COL21A1: variants seen among roughly 807,000 people sequenced by gnomAD.
COL21A1 encodes the protein collagen alpha-1(XXI) chain.
A neutral mutation model predicts 137.9 loss-of-function variants in COL21A1; 149 were observed. That is an observed-to-expected ratio of 1.08 (90% CI 0.95 to 1.24). The LOEUF (loss-of-function observed/expected upper bound fraction) is 1.24, where lower values mean the gene tolerates loss of function less well. COL21A1 is among the 50% of genes most tolerant of loss of function. The pLI, the probability that COL21A1 is intolerant of heterozygous loss-of-function variation, is 0.00. For synonymous variants in COL21A1, 456 were observed against 391.5 expected (o/e 1.16, Z -1.95); for missense variants, 1,167 against 1,158.4 (o/e 1.01, Z -0.11).
chr6:56,155,978 T>C (rs1195983559), intron 10 of COL21A1, among the ~76,000 whole-genome samples: 2 of 152,198 alleles, frequency 1.3e-5, no homozygotes, highest in African/African-American at 4.8e-5. Flanking sequence ...CTAAAGTGCT[T>C]TAAAGTTGAT....
intron 3 of COL21A1, among the ~76,000 whole-genome samples, chr6:56,174,002 A>G (rs898839989): frequency 6.6e-6 from 1 of 152,188 alleles, no homozygotes; most frequent in Non-Finnish European, 1.5e-5. Context: ...TCCAACCACA[A>G]TGGAATAAAA....
At chr6:56,099,543 C>T (rs1199066156) in intron 17 of COL21A1, among the ~76,000 whole-genome samples, 1 of 151,876 alleles carries the variant, frequency 6.6e-6, no homozygotes, top group East Asian at 1.9e-4. Flanking sequence ...GCCTTCACAT[C>T]CTAAATTATA....
chr6:56,282,768 C>T (rs1389374719), intron 1 of COL21A1, among the ~76,000 whole-genome samples: 2 of 152,248 alleles, frequency 1.3e-5, no homozygotes, highest in Middle Eastern at 3.4e-3. Context: ...TCTACACACA[C>T]TTTACCTGGA....
At chr6:56,087,833 T>A (rs1421276797) in intron 17 of COL21A1, among the ~76,000 whole-genome samples, 1 of 152,170 alleles carries the variant, frequency 6.6e-6, no homozygotes, top group South Asian at 2.1e-4. Context: ...TAAAAATTTG[T>A]TCAGGAAGAT....
intron 9 of COL21A1, among the ~76,000 whole-genome samples, chr6:56,160,331 G>A (rs761104): frequency 0.58 from 88,168 of 151,920 alleles, 25,936 homozygotes; most frequent in East Asian, 0.79. Flanking sequence ...CCCATTTTCT[G>A]TGTAGGAAAA....
intron 1 of COL21A1, among the ~76,000 whole-genome samples, chr6:56,343,269 T>G (rs1472329554): frequency 6.6e-6 from 1 of 152,164 alleles, no homozygotes; most frequent in Non-Finnish European, 1.5e-5. Context: ...CTTACAATTC[T>G]TTGAGTTACA....
chr6:56,224,169 C>A (rs535324799), intron 1 of COL21A1, among the ~76,000 whole-genome samples: 47 of 152,208 alleles, frequency 3.1e-4, no homozygotes, highest in African/African-American at 1.1e-3. Context: ...TTCCATATCA[C>A]CCCACGGGGC....
chr6:56,319,726 C>G lies in COL21A1; in HGVS notation c.-39+74245G>C, dbSNP rs532021958. On this transcript the variant is annotated intron_variant, in intron 1 of 28. Transcript: ENST00000370819. Reference sequence around the variant, plus strand: ...TTCTTGAATAAGCTGATTAGACTACCAAATTTAAAAATCTCAGTTTTTTAT... The same window carrying G: ...TTCTTGAATAAGCTGATTAGACTACGAAATTTAAAAATCTCAGTTTTTTAT... Among the ~76,000 whole-genome samples, 4 of 152,214 alleles carry G rather than the reference C, an allele frequency of 2.6e-5. No homozygotes were observed. The East Asian group carries it at 7.7e-4, about 29-fold the overall frequency.
chr6:56,200,257 C>A (rs1217464916), intron 1 of COL21A1, among the ~76,000 whole-genome samples: 2 of 152,042 alleles, frequency 1.3e-5, no homozygotes, highest in South Asian at 2.1e-4. Context: ...TTCCTAAATG[C>A]GAAGTGTGTC....
chr6:56,213,169 A>G (rs1428769106), intron 1 of COL21A1, among the ~76,000 whole-genome samples: 2 of 151,194 alleles, frequency 1.3e-5, no homozygotes, highest in African/African-American at 4.9e-5. Flanking sequence ...GCCATTTCAT[A>G]GTCTTATTTA....
At chr6:56,188,400 A>G (rs1395685495) in intron 1 of COL21A1, among the ~76,000 whole-genome samples, 1 of 152,240 alleles carries the variant, frequency 6.6e-6, no homozygotes, top group African/African-American at 2.4e-5. Context: ...GACAATCAAT[A>G]TACAAGTTGT....
intron 1 of COL21A1, among the ~76,000 whole-genome samples, chr6:56,279,805 C>T (rs536083015): frequency 1.3e-5 from 2 of 152,304 alleles, no homozygotes; most frequent in East Asian, 3.9e-4. Flanking sequence ...TGTCAGATAG[C>T]TTTGCATCTT....
At chr6:56,354,146 T>C (rs1291984938) in intron 1 of COL21A1, among the ~76,000 whole-genome samples, 1 of 152,202 alleles carries the variant, frequency 6.6e-6, no homozygotes, top group African/African-American at 2.4e-5. Context: ...ACAAACTGTG[T>C]GATCTCATTT....
intron 1 of COL21A1, among the ~76,000 whole-genome samples, chr6:56,356,694 C>A (rs551739608): frequency 1.1e-4 from 17 of 152,144 alleles, no homozygotes; most frequent in Non-Finnish European, 1.9e-4. Context: ...CTCTTAGCCA[C>A]CATTTCCTGC....
At chr6:56,309,087 G>T (rs1331564461) in intron 1 of COL21A1, among the ~76,000 whole-genome samples, 1 of 150,670 alleles carries the variant, frequency 6.6e-6, no homozygotes, top group Admixed American at 6.6e-5. Context: ...TCTGTCGCCC[G>T]GCTGGAGTAT....
chr6:56,186,195 C>T (rs1778283845), intron 1 of COL21A1, among the ~76,000 whole-genome samples: 1 of 152,084 alleles, frequency 6.6e-6, no homozygotes, highest in African/African-American at 2.4e-5. Context: ...ATTGGTTTAA[C>T]ACTCAAAATT....
At chr6:56,083,371 T>C (rs1298220998) in intron 17 of COL21A1, among the ~76,000 whole-genome samples, 2 of 151,998 alleles carry the variant, frequency 1.3e-5, no homozygotes, top group African/African-American at 4.8e-5. Flanking sequence ...TATCTTCATA[T>C]GGGTCAGGTC....
intron 1 of COL21A1, among the ~76,000 whole-genome samples, chr6:56,283,470 C>G (rs1174727501): frequency 6.6e-6 from 1 of 151,982 alleles, no homozygotes; most frequent in Admixed American, 6.6e-5. Context: ...TAAAATACAC[C>G]AAGTTAACAG....
intron 19 of COL21A1, among the ~76,000 whole-genome samples, chr6:56,074,877 A>T (rs1039066245): frequency 2.0e-5 from 3 of 151,456 alleles, no homozygotes; most frequent in Non-Finnish European, 4.4e-5. Flanking sequence ...AAAAGGGATT[A>T]AAAAATTATA....
Sources: gnomAD v4.1 joint callset for allele counts (sites outside exome capture counted in the v4.1 genomes callset) on GRCh38, gnomAD v4.1.1 for gene constraint, MANE v1.5 for transcripts, NCBI Gene and HGNC (gene_info 2026-07-23, HGNC 2026-07-21) for gene names.